Variants in MCC observed in about 807,000 individuals in gnomAD.
MCC encodes MCC regulator of Wnt signaling pathway, also known as colorectal mutant cancer protein.
Under a neutral mutation model 116.2 loss-of-function variants are expected in MCC, and 90 were observed. The observed-to-expected ratio is 0.77, with a 90% CI of 0.65 to 0.92. MCC has a LOEUF of 0.92. Among genes scored for constraint, MCC ranks in the 40% least tolerant of loss-of-function variants. The pLI, the probability that MCC is intolerant of heterozygous loss-of-function variation, is 0.00. For synonymous variants in MCC, 578 were observed against 510.5 expected (o/e 1.13, Z -1.78); for missense variants, 1,516 against 1,312.2 (o/e 1.16, Z -2.40).
intron 3 of MCC, among the ~76,000 whole-genome samples, chr5:113,293,094 C>T (rs1766569895): frequency 1.3e-5 from 2 of 152,160 alleles, no homozygotes; most frequent in Non-Finnish European, 2.9e-5. Flanking sequence ...CTATTTCAAA[C>T]CGGAGCAGGA....
intron 2 of MCC, among the ~76,000 whole-genome samples, chr5:113,342,530 A>C (rs1026785513): frequency 6.6e-6 from 1 of 152,256 alleles, no homozygotes; most frequent in Non-Finnish European, 1.5e-5. Context: ...ACAAATGGGA[A>C]AGTGCAATGA....
chr5:113,232,935 G>A (rs1160500415), intron 3 of MCC, among the ~76,000 whole-genome samples: 1 of 152,126 alleles, frequency 6.6e-6, no homozygotes, highest in East Asian at 1.9e-4. Flanking sequence ...CTACCCAGGA[G>A]CAGAACCAGG....
At chr5:113,068,218 G>A (rs187658071) in intron 12 of MCC, 35 bp from the exon 13 acceptor site, 32 of 1,527,304 alleles carry the variant, frequency 2.1e-5, no homozygotes, top group Middle Eastern at 3.5e-4. Flanking sequence ...AGCCCTTGCA[G>A]AGAACAGCGG....
At chr5:113,286,880 CTG>C (rs1766282887) in intron 3 of MCC, among the ~76,000 whole-genome samples, 1 of 152,188 alleles carries the variant, frequency 6.6e-6, no homozygotes, top group Admixed American at 6.5e-5. Context: ...TCTTTCCTCT[CTG>C]TACCAATTTT....
chr5:113,173,888 G>T (rs569960762), intron 3 of MCC, among the ~76,000 whole-genome samples: 1 of 152,262 alleles, frequency 6.6e-6, no homozygotes, highest in South Asian at 2.1e-4. Context: ...AAAGGTCTAA[G>T]TGCAGGGATT....
Position 113,294,058 on chromosome 5 carries a change from T to C in MCC, c.627+46461A>G, listed in dbSNP as rs1237188802. Among the ~76,000 whole-genome samples, 3 of 152,142 alleles carry C rather than the reference T, an allele frequency of 2.0e-5. No homozygotes were observed. The East Asian group carries it at 5.8e-4, about 29-fold the overall frequency. On this transcript the variant is annotated intron_variant, in intron 3 of 18. Coordinates refer to ENST00000408903, the MANE Select transcript of MCC (RefSeq NM_001085377.2). ...AAGGAACAAGGGATGCAGACTGTCG[T>C]GAGTAAAACGCCTCGCGGCTTGGTG...
chr5:113,113,047 G>A (rs190964572), intron 6 of MCC, among the ~76,000 whole-genome samples: 1 of 152,310 alleles, frequency 6.6e-6, no homozygotes, highest in Admixed American at 6.5e-5. Context: ...CTACGATGTG[G>A]GCTATAGCAG....
rs1561723632 is a variant in MCC at position 113,025,243 on chromosome 5, A to T, written c.*2059T>A. 2 of 147,684 alleles carry T rather than the reference A, an allele frequency of 1.4e-5. No homozygotes were observed. The highest frequency in any genetic ancestry group is 5.0e-5 in the African/African-American group (2 of 39,914). The allele number at this position is 147,684 out of a possible 1,614,324, so 9.1% of individuals were successfully genotyped here. A position where few individuals can be genotyped will look rare whatever the true frequency, so the allele number is the denominator to read the frequency against. Reference sequence around the variant, plus strand: ...CAAGCTGGAAAAATAGTGAAAACTGATTTTTTTTTTTTTGGGGCATATGTT... The same window carrying T: ...CAAGCTGGAAAAATAGTGAAAACTGTTTTTTTTTTTTTTGGGGCATATGTT... On this transcript the variant is annotated 3_prime_UTR_variant, in exon 19 of 19. Coordinates refer to ENST00000408903, the MANE Select transcript of MCC (RefSeq NM_001085377.2).
chr5:113,221,798 G>A (rs554817326), intron 3 of MCC, among the ~76,000 whole-genome samples: 35 of 143,724 alleles, frequency 2.4e-4, no homozygotes, highest in African/African-American at 6.8e-4. Context: ...ACTGCCCCCC[G>A]CCCCCACCAC....
chr5:113,078,604 A>G (rs1360742283), intron 11 of MCC, among the ~76,000 whole-genome samples: 1 of 152,224 alleles, frequency 6.6e-6, no homozygotes, highest in East Asian at 1.9e-4. Context: ...GACAACATTC[A>G]ACAGCTCTTC....
intron 3 of MCC, among the ~76,000 whole-genome samples, chr5:113,152,139 C>G (rs1167312409): frequency 6.6e-6 from 1 of 152,110 alleles, no homozygotes; most frequent in Non-Finnish European, 1.5e-5. Context: ...TTTCTGCAGC[C>G]ATTTCTCTGG....
chr5:113,161,246 C>T (rs563151028), intron 3 of MCC, among the ~76,000 whole-genome samples: 1 of 152,134 alleles, frequency 6.6e-6, no homozygotes, highest in East Asian at 1.9e-4. Context: ...AATGACACAT[C>T]ATGGAGGAGA....
At chr5:113,252,876 C>T (rs558089293) in intron 3 of MCC, among the ~76,000 whole-genome samples, 2 of 152,198 alleles carry the variant, frequency 1.3e-5, no homozygotes, top group Non-Finnish European at 2.9e-5. Flanking sequence ...TATGTCATAA[C>T]CTCTCTGCAA....
At chr5:113,177,285 G>A (rs1410881265) in intron 3 of MCC, among the ~76,000 whole-genome samples, 2 of 152,186 alleles carry the variant, frequency 1.3e-5, no homozygotes, top group Non-Finnish European at 2.9e-5. Context: ...GTTTCCAACA[G>A]CTAGCACTGT....
chr5:113,464,598 A>G (rs1771844149), intron 1 of MCC, among the ~76,000 whole-genome samples: 1 of 105,726 alleles, frequency 9.5e-6, no homozygotes, highest in South Asian at 3.8e-4. Context: ...ACTCTCTAAC[A>G]TATCATGCTT....
chr5:113,419,461 T>C (rs1290872869), intron 1 of MCC, among the ~76,000 whole-genome samples: 1 of 152,038 alleles, frequency 6.6e-6, no homozygotes, highest in Non-Finnish European at 1.5e-5. Context: ...GCTCCCAAAG[T>C]GCTGGGATTA....
chr5:113,299,474 C>G (rs1329047837), intron 3 of MCC, among the ~76,000 whole-genome samples: 1 of 151,840 alleles, frequency 6.6e-6, no homozygotes, highest in Non-Finnish European at 1.5e-5. Flanking sequence ...TCTTGGATCT[C>G]TGCTATCAAG....
chr5:113,277,314 G>C (rs931886378), intron 3 of MCC, among the ~76,000 whole-genome samples: 1 of 151,482 alleles, frequency 6.6e-6, no homozygotes, highest in Non-Finnish European at 1.5e-5. Context: ...GTTGCAGTGA[G>C]CCGAGATTGT....
chr5:113,100,034 C>T (rs1367373419), intron 8 of MCC, among the ~76,000 whole-genome samples: 4 of 152,232 alleles, frequency 2.6e-5, no homozygotes, highest in South Asian at 4.1e-4. Context: ...CCAGATAAAG[C>T]CTTTGCTGAC....
Sources: allele counts gnomAD v4.1 joint callset (sites outside exome capture counted in the v4.1 genomes callset), GRCh38; gene constraint gnomAD v4.1.1; transcripts MANE v1.5; gene names NCBI Gene and HGNC (gene_info 2026-07-23, HGNC 2026-07-21).